The following PPP1R12A variants were observed in gnomAD, a reference collection of about 807,000 sequenced individuals.
PPP1R12A encodes the protein protein phosphatase 1 regulatory subunit 12A.
PPP1R12A carries 19 observed loss-of-function variants against 139.6 expected under a neutral mutation model. That is an observed-to-expected ratio of 0.14 (90% CI 0.09 to 0.20). The LOEUF is 0.20. Among genes scored for constraint, PPP1R12A ranks in the 10% least tolerant of loss-of-function variants. PPP1R12A has a pLI of 1.00. For synonymous variants in PPP1R12A, 427 were observed against 420.6 expected (o/e 1.02, Z -0.19); for missense variants, 925 against 1,211.5 (o/e 0.76, Z 3.51).
intron 2 of PPP1R12A, among the ~76,000 whole-genome samples, chr12:79,849,173 C>CAGA (rs1879753944): frequency 6.6e-6 from 1 of 152,050 alleles, no homozygotes; most frequent in Admixed American, 6.6e-5. Context: ...CATCTGAGGT[C>CAGA]AGAAGTTCGA....
chr12:79,855,356 T>A (rs556317874), intron 2 of PPP1R12A, among the ~76,000 whole-genome samples: 1 of 152,238 alleles, frequency 6.6e-6, no homozygotes, highest in East Asian at 1.9e-4. Flanking sequence ...ATTGCTCATA[T>A]TTTTTTCACC....
chr12:79,852,193 C>CTTTT (rs200453712), intron 2 of PPP1R12A, among the ~76,000 whole-genome samples: 1 of 137,024 alleles, frequency 7.3e-6, no homozygotes, highest in African/African-American at 2.7e-5. Context: ...CTTTTTCTTT[C>CTTTT]TTTTTTTTTT....
At chr12:79,911,391 C>A (rs1410050846) in intron 1 of PPP1R12A, among the ~76,000 whole-genome samples, 2 of 152,036 alleles carry the variant, frequency 1.3e-5, no homozygotes, top group Non-Finnish European at 2.9e-5. Context: ...GGAAGCTAAA[C>A]AACAAAAACA....
intron 1 of PPP1R12A, among the ~76,000 whole-genome samples, chr12:79,879,769 G>A (rs1014376537): frequency 1.3e-5 from 2 of 152,016 alleles, no homozygotes; most frequent in Admixed American, 6.5e-5. Flanking sequence ...TATCTTTGTC[G>A]GGGTGATTTT....
At chr12:79,898,484 C>A (rs1387678128) in intron 1 of PPP1R12A, among the ~76,000 whole-genome samples, 4 of 151,974 alleles carry the variant, frequency 2.6e-5, no homozygotes, top group African/African-American at 7.2e-5. Flanking sequence ...AATAGCTATA[C>A]CCTTACACTA....
chr12:79,792,342 T>C (rs574483413), intron 19 of PPP1R12A, among the ~76,000 whole-genome samples: 2 of 152,316 alleles, frequency 1.3e-5, no homozygotes, highest in Admixed American at 1.3e-4. Context: ...CTAAGCCAAC[T>C]ATAATCCTAT....
chr12:79,860,806 C>CAACAA (rs1001620774), intron 2 of PPP1R12A, among the ~76,000 whole-genome samples: 1 of 151,942 alleles, frequency 6.6e-6, no homozygotes, highest in African/African-American at 2.4e-5. Context: ...AAAGAAATGC[C>CAACAA]AACAAAACAA....
At chr12:79,779,438 A>C (rs934637794) in intron 23 of PPP1R12A, 1 of 986,194 alleles carries the variant, frequency 1.0e-6, no homozygotes, top group African/African-American at 1.7e-5. Flanking sequence ...AATAATGCTG[A>C]TATTTAGTCA....
chr12:79,837,285 G>T lies in PPP1R12A; in HGVS notation c.488-4794C>A, dbSNP rs534639760. On this transcript the variant is annotated intron_variant, in intron 3 of 24. Transcript: ENST00000450142. ...TATTAAAATATAATCAAATCTCTTA[G>T]ATTAAAATAAATAAAATTAGATTGG... Among the ~76,000 whole-genome samples, 131 of 152,008 alleles carry T rather than the reference G, an allele frequency of 8.6e-4. 3 individuals are homozygous for T. Among genetic ancestry groups the T allele is most frequent in the African/African-American group, 3.0e-3 (124 of 41,454 alleles).
intron 1 of PPP1R12A, among the ~76,000 whole-genome samples, chr12:79,896,055 C>CT (rs1057044005): frequency 6.6e-5 from 10 of 151,570 alleles, no homozygotes; most frequent in African/African-American, 2.4e-4. Context: ...TTTAATATTG[C>CT]TGAAGGGTCA....
At chr12:79,897,244 T>G (rs919883803) in intron 1 of PPP1R12A, among the ~76,000 whole-genome samples, 1 of 152,182 alleles carries the variant, frequency 6.6e-6, no homozygotes, top group African/African-American at 2.4e-5. Context: ...TGCAGTAACA[T>G]GGATGCAAGG....
intron 19 of PPP1R12A, 100 bp from the exon 20 acceptor site, chr12:79,790,583 G>A: frequency 2.5e-6 from 2 of 801,468 alleles, no homozygotes; most frequent in South Asian, 2.6e-5. Flanking sequence ...ATCAATAGAA[G>A]CAAACGAATG....
In PPP1R12A at chr12:79,774,849, T is replaced by C. The variant is rs1462530361; in HGVS notation, c.*1080A>G. On this transcript the variant is annotated 3_prime_UTR_variant, in exon 25 of 25. Transcript: ENST00000450142. ...TGTGAAATGTAAAGCAATTATCTTA[T>C]GCAACTTTAATTATGGTTGAGTACT... 2 of 152,494 alleles carry C rather than the reference T, an allele frequency of 1.3e-5. No homozygotes were observed. The highest frequency in any genetic ancestry group is 2.4e-5 in the African/African-American group (1 of 41,446). The allele number at this position is 152,494 out of a possible 1,614,324, so 9.4% of individuals were successfully genotyped here.
At position 79,873,395 on chromosome 12, in the gene PPP1R12A, A is replaced by G. The variant is rs534875347; in HGVS notation, c.238-457T>C. 1.3e-5 allele frequency among the ~76,000 whole-genome samples: 2 copies of G among 152,038 alleles called. 1 individual carries two copies. The highest frequency in any genetic ancestry group is 4.8e-5 in the African/African-American group (2 of 41,492). ...GTACACGTGATGGTATAAAAGTACC[A>G]GCTGTAAAACTGCATGTGTTTTAGC... On this transcript the variant is annotated intron_variant, in intron 1 of 24. Transcript: ENST00000450142.
At chr12:79,875,352 G>A (rs889713551) in intron 1 of PPP1R12A, among the ~76,000 whole-genome samples, 9 of 152,174 alleles carry the variant, frequency 5.9e-5, no homozygotes, top group Non-Finnish European at 1.2e-4. Context: ...TTGGGGGATT[G>A]GGAAGGTGGG....
intron 1 of PPP1R12A, among the ~76,000 whole-genome samples, chr12:79,880,961 T>C (rs909357422): frequency 1.3e-5 from 2 of 152,148 alleles, no homozygotes; most frequent in African/African-American, 4.8e-5. Flanking sequence ...TGATCAGTGA[T>C]CTGTGATGTT....
intron 23 of PPP1R12A, chr12:79,779,131 A>G (rs1285078564): frequency 2.7e-6 from 1 of 373,220 alleles, no homozygotes; most frequent in East Asian, 7.3e-5. Context: ...GCATTAATGC[A>G]GTGAATGTAA....
intron 14 of PPP1R12A, among the ~76,000 whole-genome samples, chr12:79,798,924 G>C (rs183612051): frequency 6.6e-6 from 1 of 151,922 alleles, no homozygotes; most frequent in Non-Finnish European, 1.5e-5. Context: ...AAAAATAGAA[G>C]GATTTCATTT....
chr12:79,795,862 G>T, intron 17 of PPP1R12A, 103 bp from the exon 18 acceptor site: 1 of 1,113,488 alleles, frequency 9.0e-7, no homozygotes, highest in South Asian at 1.7e-5. Flanking sequence ...GGACTATCTA[G>T]GGGGATGGAA....
Sources: allele counts gnomAD v4.1 joint callset (sites outside exome capture counted in the v4.1 genomes callset), GRCh38; gene constraint gnomAD v4.1.1; transcripts MANE v1.5; gene names NCBI Gene and HGNC (gene_info 2026-07-23, HGNC 2026-07-21).